SMARCAD1: variants seen among roughly 807,000 people sequenced by gnomAD.
The protein encoded by SMARCAD1 is SNF2 related chromatin remodeling ATPase with DExD box 1.
SMARCAD1 carries 25 observed loss-of-function variants against 127.1 expected under a neutral mutation model. That is an observed-to-expected ratio of 0.20 (90% confidence interval 0.14 to 0.27). The LOEUF (loss-of-function observed/expected upper bound fraction) is 0.27, where lower values mean the gene tolerates loss of function less well. Ranked by LOEUF, SMARCAD1 falls within the 10% of genes least tolerant of loss-of-function variation. The pLI is 1.00. For synonymous variants in SMARCAD1, 400 were observed against 396.9 expected (o/e 1.01, Z -0.09); for missense variants, 807 against 1,206.0 (o/e 0.67, Z 4.90).
chr4:94,220,516 G>A (rs1344280870), intron 2 of SMARCAD1, among the ~76,000 whole-genome samples: 3 of 152,120 alleles, frequency 2.0e-5, no homozygotes, highest in Non-Finnish European at 4.4e-5. Context: ...CCAAAGTGCT[G>A]GGATTACAGG....
chr4:94,280,790 AAG>A lies in SMARCAD1; in HGVS notation c.2607+12_2607+13del. 1 of 1,612,728 alleles carries A rather than the reference AAG, an allele frequency of 6.2e-7. No homozygotes were observed. Among genetic ancestry groups the A allele is most frequent in the Non-Finnish European group, 8.5e-7 (1 of 1,179,268 alleles). On this transcript the variant is annotated intron_variant, in intron 20 of 23. Coordinates refer to ENST00000354268, the MANE Select transcript of SMARCAD1 (RefSeq NM_020159.5). Reference sequence around the variant, plus strand: ...TGAATTGAAACAGAAGGTATTAAAAAAGAATGGCGTTTCTTTTGTATTTTCTC... The same window carrying A: ...TGAATTGAAACAGAAGGTATTAAAAAAATGGCGTTTCTTTTGTATTTTCTC...
chr4:94,236,612 C>T (rs759466036), intron 4 of SMARCAD1, among the ~76,000 whole-genome samples: 2 of 151,964 alleles, frequency 1.3e-5, no homozygotes, highest in South Asian at 4.2e-4. Context: ...CACACAGGCA[C>T]GGAGTGGCCT....
At chr4:94,231,695 C>T (rs1436165797) in intron 3 of SMARCAD1, among the ~76,000 whole-genome samples, 1 of 151,874 alleles carries the variant, frequency 6.6e-6, no homozygotes, top group Non-Finnish European at 1.5e-5. Context: ...TTAACTTGTA[C>T]CTTAGGTTCA....
Position 94,290,380 on chromosome 4 carries a change from C to T in SMARCAD1, c.*846C>T, listed in dbSNP as rs753306934. 2 of 454,392 alleles carry T rather than the reference C, an allele frequency of 4.4e-6. No homozygotes were observed. The highest frequency in any genetic ancestry group is 4.4e-6 in the Non-Finnish European group (1 of 226,780). The allele number at this position is 454,392 out of a possible 1,614,324, so 28.1% of individuals were successfully genotyped here. ...TTCCTCTCTAAATAGTAGTTTATTA[C>T]TGCCACATCTCCATGCATCAGCAAA... On this transcript the variant is annotated 3_prime_UTR_variant, in exon 24 of 24. Transcript: ENST00000354268.
At chr4:94,231,638 C>T (rs771484027) in intron 3 of SMARCAD1, among the ~76,000 whole-genome samples, 1 of 152,050 alleles carries the variant, frequency 6.6e-6, no homozygotes, top group African/African-American at 2.4e-5. Flanking sequence ...CCCCTTAATA[C>T]TGGTTATGTA....
At chr4:94,255,706 G>A (rs1749970948) in intron 9 of SMARCAD1, among the ~76,000 whole-genome samples, 1 of 151,294 alleles carries the variant, frequency 6.6e-6, no homozygotes, top group Admixed American at 6.6e-5. Flanking sequence ...AAATACTCAA[G>A]ATTTTAGTCA....
At chr4:94,268,116 T>C (rs1405432777) in intron 10 of SMARCAD1, among the ~76,000 whole-genome samples, 1 of 152,172 alleles carries the variant, frequency 6.6e-6, no homozygotes, top group Non-Finnish European at 1.5e-5. Context: ...AGCAAACATA[T>C]ATACACATTA....
chr4:94,230,314 G>A (rs1024903436), intron 3 of SMARCAD1, among the ~76,000 whole-genome samples: 1 of 151,186 alleles, frequency 6.6e-6, no homozygotes, highest in Admixed American at 6.6e-5. Flanking sequence ...ACAAAAGATA[G>A]CATACTACAT....
At chr4:94,278,889 G>T (rs199721740) in intron 18 of SMARCAD1, 40 bp from the exon 19 acceptor site, 14 of 1,611,352 alleles carry the variant, frequency 8.7e-6, no homozygotes, top group Non-Finnish European at 1.2e-5. Context: ...ACAGTTATCC[G>T]CTTGGTTTTA....
rs542344655 is a variant in SMARCAD1, at chr4:94,243,351, T to C, written c.705+2345T>C. Reference sequence around the variant, plus strand: ...CTGAGACATCTGCACATGCAATTTATTTGTGTCTCTTGAACCTACTCAAGT... The same window carrying C: ...CTGAGACATCTGCACATGCAATTTACTTGTGTCTCTTGAACCTACTCAAGT... On this transcript the variant is annotated intron_variant, in intron 6 of 23. Transcript: ENST00000354268. Among the ~76,000 whole-genome samples, 4 of 152,322 alleles carry C rather than the reference T, an allele frequency of 2.6e-5. No individual in the cohort carries two copies. In the East Asian group the frequency reaches 7.7e-4, roughly 29 times the overall value.
At chr4:94,250,156 T>C (rs1749067184) in intron 7 of SMARCAD1, among the ~76,000 whole-genome samples, 1 of 151,958 alleles carries the variant, frequency 6.6e-6, no homozygotes, top group Non-Finnish European at 1.5e-5. Context: ...ATAAGCTTTC[T>C]ACTACTTCCC....
intron 3 of SMARCAD1, among the ~76,000 whole-genome samples, chr4:94,227,989 G>C (rs1745278289): frequency 6.6e-6 from 1 of 152,182 alleles, no homozygotes; most frequent in South Asian, 2.1e-4. Context: ...CCTGTAGAAG[G>C]TTCTGAGGAG....
Position 94,227,062 on chromosome 4 carries a change from A to G in SMARCAD1, c.368+766A>G, listed in dbSNP as rs561510738. ...TCAGAAAAGCCTCAATTGAGAAGAC[A>G]GTGCTTAATTGAGAAGACAGTGCTG... On this transcript the variant is annotated intron_variant, in intron 3 of 23. Transcript: ENST00000354268. Among the ~76,000 whole-genome samples, 4 of 152,222 alleles carry G rather than the reference A, an allele frequency of 2.6e-5. No individual in the cohort carries two copies. The South Asian group carries it at 8.3e-4, about 32-fold the overall frequency.
chr4:94,275,900 C>G (rs1753228522), intron 14 of SMARCAD1, among the ~76,000 whole-genome samples: 1 of 150,202 alleles, frequency 6.7e-6, no homozygotes. Flanking sequence ...CGGGTTCACG[C>G]CATTCTCCTG....
chr4:94,226,587 T>C (rs1745057571), intron 3 of SMARCAD1, among the ~76,000 whole-genome samples: 1 of 151,354 alleles, frequency 6.6e-6, no homozygotes, highest in Non-Finnish European at 1.5e-5. Context: ...TTTAAAAGAA[T>C]TGTTTAGTAC....
chr4:94,290,469 G>A lies in SMARCAD1; in HGVS notation c.*935G>A, dbSNP rs1421498000. The stretch of plus-strand genomic sequence containing the variant: ...CTTAAAGCTATTTCATTTCAAAGCA[G>A]ACTGAATGTGACTTCATCTAAAGGC... On this transcript the variant is annotated 3_prime_UTR_variant, in exon 24 of 24. Coordinates refer to ENST00000354268, the MANE Select transcript of SMARCAD1 (RefSeq NM_020159.5). 3 of 454,504 alleles carry A rather than the reference G, an allele frequency of 6.6e-6. No individual in the cohort carries two copies. Among genetic ancestry groups the A allele is most frequent in the Non-Finnish European group, 1.3e-5 (3 of 226,766 alleles). The allele number at this position is 454,504 out of a possible 1,614,324, so 28.2% of individuals were successfully genotyped here. A position where few individuals can be genotyped will look rare whatever the true frequency, so the allele number is the denominator to read the frequency against.
At chr4:94,208,730 G>A in intron 2 of SMARCAD1, 146 bp downstream of exon 2, 1 of 788,616 alleles carries the variant, frequency 1.3e-6, no homozygotes, top group Admixed American at 2.2e-5. Flanking sequence ...CTTTGGGACT[G>A]CCATAAGCAC....
intron 16 of SMARCAD1, 66 bp from the exon 17 acceptor site, chr4:94,278,353 GTAA>G: frequency 7.5e-7 from 1 of 1,330,142 alleles, no homozygotes; most frequent in Non-Finnish European, 1.1e-6. Context: ...TTTATGTTGT[GTAA>G]TAATACTGTT....
At chr4:94,282,790 G>A (rs1305075381) in intron 21 of SMARCAD1, among the ~76,000 whole-genome samples, 6 of 151,922 alleles carry the variant, frequency 3.9e-5, no homozygotes, top group Non-Finnish European at 2.9e-5. Context: ...AGTAGGAGCC[G>A]ATATACTTCT....
Sources: allele counts gnomAD v4.1 joint callset (sites outside exome capture counted in the v4.1 genomes callset), GRCh38; gene constraint gnomAD v4.1.1; transcripts MANE v1.5; gene names NCBI Gene and HGNC (gene_info 2026-07-23, HGNC 2026-07-21).